Variants in TRIM28 observed in about 807,000 individuals in gnomAD.
TRIM28 encodes the protein transcription intermediary factor 1-beta.
In TRIM28, 8 loss-of-function variants were observed where a neutral mutation model predicts 87.4. The ratio of observed to expected loss-of-function variants is 0.09; its 90% CI spans 0.05 to 0.17. TRIM28 has a LOEUF of 0.17. Among genes scored for constraint, TRIM28 ranks in the 10% least tolerant of loss-of-function variants. The probability of loss-of-function intolerance (pLI) is 1.00; values close to 1 mark genes in which losing one functional copy is unlikely to be tolerated. For missense variants in TRIM28, 968 were observed against 1,131.8 expected, an observed-to-expected ratio of 0.86 and a Z score of 2.08; for synonymous variants, 601 against 454.3, an observed-to-expected ratio of 1.32 and a Z score of -4.11.
chr19:58,544,617 G>A lies in TRIM28; in HGVS notation c.-141G>A, dbSNP rs1237620013. The A allele has an allele frequency of 4.9e-5, 10 of 205,428 alleles. No homozygotes were observed. The highest frequency in any genetic ancestry group is 8.5e-5 in the Non-Finnish European group (10 of 117,758). The allele number at this position is 205,428 out of a possible 1,614,324, so 12.7% of individuals were successfully genotyped here. On this transcript the variant is annotated 5_prime_UTR_variant, in exon 1 of 17. Transcript: ENST00000253024. ...CAGCGTCCCGCGCGCGGCGGGCAGC[G>A]GCCCAGGAGGCGCGTGGCGGCGCTC... is the stretch of plus-strand genomic sequence containing the variant.
At chr19:58,547,292 C>T (rs372259296) in intron 3 of TRIM28, 84 bp from the exon 4 acceptor site, 49 of 1,552,900 alleles carry the variant, frequency 3.2e-5, no homozygotes, top group South Asian at 2.0e-4. Context: ...CAGAACAGGC[C>T]GGAAATGAGG....
At position 58,549,481 on chromosome 19, in the gene TRIM28, G is replaced by C. The variant is rs776245218; in HGVS notation, c.1813G>C (p.Val605Leu). ...PSGSTSSGLE[V>L]VAPEGTSAPG... ...TGGCAGCACCAGCTCAGGGCTGGAG[G>C]TGGTGGCTCCTGAGGGTACCTCAGC... The change falls in exon 13 of 17, where the codon GTG (valine) becomes CTG (leucine). Residue 605 changes from valine (V) to leucine (L), a missense_variant. Physicochemically the swap from Val to Leu is conservative, Grantham distance 32. This residue lies in a region of TRIM28 where 164 missense variants were observed against 146.2 expected (regional missense o/e 1.12). Transcript: ENST00000253024. The surrounding 1 kb of genome is among the most constrained non-coding windows in gnomAD (Gnocchi z 4.4). 19 of 1,613,566 alleles carry C rather than the reference G, an allele frequency of 1.2e-5. No individual in the cohort carries two copies. The East Asian group carries it at 3.1e-4, about 26-fold the overall frequency.
rs1568662087 is a variant in TRIM28 at position 58,549,063 on chromosome 19, G to GGACCTC, written c.1486_1491dup (p.Asp496_Leu497dup). The GGACCTC allele has an allele frequency of 1.2e-6, 2 of 1,614,072 alleles. No individual in the cohort carries two copies. Among genetic ancestry groups the GGACCTC allele is most frequent in the Non-Finnish European group, 1.7e-6 (2 of 1,180,006 alleles). On this transcript the variant is annotated inframe_insertion, in exon 12 of 17. Transcript: ENST00000253024. This position sits in a 1 kb window ranked among gnomAD's most constrained non-coding sequence, Gnocchi z 4.4. ...GAGTGAGCCTTGAACGCCTGGACCT[G>GGACCTC]GACCTCACAGCTGACAGCCAGCCAC... is the stretch of plus-strand genomic sequence containing the variant.
chr19:58,544,786 C>A lies in TRIM28; in HGVS notation c.29C>A (p.Ala10Glu). Residue 10 changes from alanine (A) to glutamate (E), a missense_variant, in exon 1 of 17, where the codon GCA becomes GAA. By Grantham distance (107) the Ala-to-Glu change is moderately radical. Transcript: ENST00000253024. MAASAAAAS[A>E]AAASAASGSP... Reference sequence around the variant, plus strand: ...GCGGCCTCCGCGGCGGCAGCCTCGGCAGCAGCGGCCTCGGCCGCCTCTGGC... The same window carrying A: ...GCGGCCTCCGCGGCGGCAGCCTCGGAAGCAGCGGCCTCGGCCGCCTCTGGC... 1 of 1,182,816 alleles carries A rather than the reference C, an allele frequency of 8.5e-7. No homozygotes were observed. The highest frequency in any genetic ancestry group is 1.0e-6 in the Non-Finnish European group (1 of 957,324). The allele number at this position is 1,182,816 out of a possible 1,614,324, so 73.3% of individuals were successfully genotyped here.
rs774133937 is a variant in TRIM28, at chr19:58,550,211, C to T, written c.2258C>T (p.Pro753Leu). 1 of 1,614,070 alleles carries T rather than the reference C, an allele frequency of 6.2e-7. No homozygotes were observed. ...IRARLQEKLS[P>L]PYSSPQEFAQ... is the part of the protein sequence containing the mutation. ...GCCCGCCTCCAGGAGAAGTTGTCACCTCCCTACAGCTCCCCACAGGAGTTT... is the reference window on the plus strand; with the variant it reads ...GCCCGCCTCCAGGAGAAGTTGTCACTTCCCTACAGCTCCCCACAGGAGTTT... The change falls in exon 16 of 17, where the codon CCT (proline) becomes CTT (leucine). Residue 753 changes from proline (P) to leucine (L), a missense_variant. By Grantham distance (98) the Pro-to-Leu change is moderately conservative. Around this residue, in one of 11 missense-constraint regions of TRIM28, gnomAD observed 192 missense variants for 225.6 expected, o/e 0.85. Coordinates refer to ENST00000253024, the MANE Select transcript of TRIM28 (RefSeq NM_005762.3).
At position 58,547,816 on chromosome 19, in the gene TRIM28, G is replaced by A; in HGVS notation, c.864G>A (p.Gln288=). 6.2e-7 allele frequency: 1 copy of A among 1,614,180 alleles called. No homozygotes were observed. The highest frequency in any genetic ancestry group is 8.5e-7 in the Non-Finnish European group (1 of 1,180,036). ...RSSIRQVSDV[Q]KRVQVDVKMA... is the part of the protein sequence containing the mutation. ...GAATCCGCCAGGTGTCTGACGTACA[G>A]AAGCGTGTGCAAGTGGATGTCAAGA... The change falls in exon 6 of 17, where the codon CAG becomes CAA. Residue 288 remains glutamine (Q), a synonymous_variant. Coordinates refer to ENST00000253024, the MANE Select transcript of TRIM28 (RefSeq NM_005762.3).
At position 58,544,944 on chromosome 19, in the gene TRIM28, G is replaced by A. The variant is rs2053746947; in HGVS notation, c.187G>A (p.Glu63Lys). Residue 63 changes from glutamate to lysine, a missense_variant, in exon 1 of 17, where the codon GAG becomes AAG. Physicochemically the swap from Glu to Lys is moderately conservative, Grantham distance 56. Around this residue, in one of 11 missense-constraint regions of TRIM28, gnomAD observed 208 missense variants for 170.9 expected, o/e 1.22. Transcript: ENST00000253024. ...GGGAEALELL[E>K]HCGVCRERLR... ...CGGCGCCGAGGCGCTGGAGCTGCTG[G>A]AGCACTGCGGCGTGTGCAGAGAGCG... 1.4e-6 allele frequency: 2 copies of A among 1,473,978 alleles called. No homozygotes were observed. The highest frequency in any genetic ancestry group is 5.2e-5 in the Admixed American group (2 of 38,302). 91.3% of individuals were successfully genotyped at this position (1,473,978 alleles called of 1,614,324 possible).
rs760744275 is a variant in TRIM28, at chr19:58,550,562, C to T, written c.*9C>T. 6.2e-6 allele frequency: 10 copies of T among 1,600,964 alleles called. No homozygotes were observed. Among genetic ancestry groups the T allele is most frequent in the Non-Finnish European group, 7.6e-6 (9 of 1,177,836 alleles). ...CTGGTGATGGCCCCTGAGGCTGGAG[C>T]CCCCATGGCCAGCCCAGCCTGGCTC... On this transcript the variant is annotated 3_prime_UTR_variant, in exon 17 of 17. Transcript: ENST00000253024.
intron 3 of TRIM28, among the ~76,000 whole-genome samples, chr19:58,546,878 A>G (rs1473714649): frequency 6.6e-6 from 1 of 152,142 alleles, no homozygotes; most frequent in African/African-American, 2.4e-5. Flanking sequence ...CTCTCCCAGT[A>G]TGAGAACCTC....
Position 58,548,603 on chromosome 19 carries a change from G to T in TRIM28, c.1323+11G>T. 1 of 1,603,134 alleles carries T rather than the reference G, an allele frequency of 6.2e-7. No homozygotes were observed. On this transcript the variant is annotated intron_variant, in intron 9 of 16. Transcript: ENST00000253024. ...TCTGGCAGCAGCCAGGTGAGCAGGA[G>T]AGAGGACCCAGGAAGGGGTGGGCAG...
Position 58,549,380 on chromosome 19 carries a change from G to T in TRIM28, c.1712G>T (p.Gly571Val). ...AIGAPPTATE[G>V]PETKPVLMAL... is the part of the protein sequence containing the mutation. ...GGAGCCCCTCCTACTGCCACTGAGG[G>T]CCCTGAGACCAAACCTGTGCTTATG... Residue 571 changes from glycine (G) to valine (V), a missense_variant, in exon 13 of 17, where the codon GGC (glycine) becomes GTC (valine). By Grantham distance (109) the Gly-to-Val change is moderately radical (BLOSUM62 -3). Transcript: ENST00000253024. This position sits in a 1 kb window ranked among gnomAD's most constrained non-coding sequence, Gnocchi z 4.4. 1 of 1,576,920 alleles carries T rather than the reference G, an allele frequency of 6.3e-7. No individual in the cohort carries two copies. Among genetic ancestry groups the T allele is most frequent in the Non-Finnish European group, 8.6e-7 (1 of 1,158,222 alleles).
rs766577445 is a variant in TRIM28, at chr19:58,549,804, C to T, written c.2050C>T (p.Leu684=). The part of the protein sequence containing the change: ...DLKEEDGSLS[L]DGADSTGVVA... The stretch of plus-strand genomic sequence containing the variant: ...GAAGGAGGAGGATGGCAGCCTCAGC[C>T]TGGATGGTGCAGACAGCACTGGCGT... Residue 684 remains leucine, a synonymous_variant, in exon 14 of 17, where the codon CTG becomes TTG. Transcript: ENST00000253024. The surrounding 1 kb of genome is among the most constrained non-coding windows in gnomAD (Gnocchi z 4.4). The T allele has an allele frequency of 6.2e-7, 1 of 1,612,814 alleles. No individual in the cohort carries two copies. The highest frequency in any genetic ancestry group is 8.5e-7 in the Non-Finnish European group (1 of 1,178,978).
intron 16 of TRIM28, 41 bp downstream of exon 16, chr19:58,550,325 G>A: frequency 6.2e-7 from 1 of 1,613,490 alleles, no homozygotes; most frequent in African/African-American, 1.3e-5. Flanking sequence ...AGGGGGAGAT[G>A]TGAAGGAAAG....
rs2053800185 is a variant in TRIM28, at chr19:58,549,930, TC to T, written c.2107-16del. 1 of 1,613,916 alleles carries T rather than the reference TC, an allele frequency of 6.2e-7. No individual in the cohort carries two copies. The highest frequency in any genetic ancestry group is 8.5e-7 in the Non-Finnish European group (1 of 1,179,950). On this transcript the variant is annotated intron_variant, in intron 14 of 16. Transcript: ENST00000253024. This position sits in a 1 kb window ranked among gnomAD's most constrained non-coding sequence, Gnocchi z 4.4. ...ATAGGTGCTGCCCAGAGCTGTGACATCCCTTACAATGTTTGTAGAAATGTGA... is the reference window on the plus strand; with the variant it reads ...ATAGGTGCTGCCCAGAGCTGTGACATCCTTACAATGTTTGTAGAAATGTGA...
intron 1 of TRIM28, 157 bp from the exon 2 acceptor site, chr19:58,545,268 G>A: frequency 3.4e-6 from 3 of 878,284 alleles, no homozygotes; most frequent in East Asian, 2.6e-5. Flanking sequence ...CCGCTGAGAT[G>A]GGACATCTGA....
rs2053771693 is a variant in TRIM28 at position 58,547,523 on chromosome 19, G to A, written c.722+12G>A. The stretch of plus-strand genomic sequence containing the variant: ...CACAAGGACCACCAGTGAGTCCCAA[G>A]GCATAGTGGTTGGGTGGGTGGGTGC... On this transcript the variant is annotated intron_variant, in intron 4 of 16. Transcript: ENST00000253024. 3 of 1,613,784 alleles carry A rather than the reference G, an allele frequency of 1.9e-6. No homozygotes were observed. Among genetic ancestry groups the A allele is most frequent in the Non-Finnish European group, 2.5e-6 (3 of 1,179,886 alleles).
Position 58,547,529 on chromosome 19 carries a change from G to GTGGT in TRIM28, c.722+22_722+25dup, listed in dbSNP as rs913373151. ...GACCACCAGTGAGTCCCAAGGCATAGTGGTTGGGTGGGTGGGTGCCACCCC... is the reference window on the plus strand; with the variant it reads ...GACCACCAGTGAGTCCCAAGGCATAGTGGTTGGTTGGGTGGGTGGGTGCCACCCC... On this transcript the variant is annotated intron_variant, in intron 4 of 16. Transcript: ENST00000253024. 4 of 1,613,660 alleles carry GTGGT rather than the reference G, an allele frequency of 2.5e-6. No homozygotes were observed. Among genetic ancestry groups the GTGGT allele is most frequent in the Non-Finnish European group, 2.5e-6 (3 of 1,179,758 alleles).
At position 58,549,139 on chromosome 19, in the gene TRIM28, G is replaced by A. The variant is rs1260909053; in HGVS notation, c.1561G>A (p.Val521Ile). The A allele has an allele frequency of 1.2e-6, 2 of 1,614,156 alleles. No individual in the cohort carries two copies. The change falls in exon 12 of 17, where the codon GTT (valine) becomes ATT (isoleucine). Residue 521 changes from valine (V) to isoleucine (I), a missense_variant. By Grantham distance (29) the Val-to-Ile change is conservative. Around this residue, in one of 11 missense-constraint regions of TRIM28, gnomAD observed 23 missense variants for 56.7 expected, o/e 0.41. Transcript: ENST00000253024. This position sits in a 1 kb window ranked among gnomAD's most constrained non-coding sequence, Gnocchi z 4.4. ...GSTTEDYNLI[V>I]IERGAAAAAT... ...TACCACTGAGGACTACAACCTTATTGTTATTGAACGTGGCGCTGCCGCTGC... is the reference window on the plus strand; with the variant it reads ...TACCACTGAGGACTACAACCTTATTATTATTGAACGTGGCGCTGCCGCTGC...
In TRIM28 at chr19:58,548,016, T is replaced by C. The variant is rs1443854343; in HGVS notation, c.955-18T>C. 1.9e-6 allele frequency: 3 copies of C among 1,613,944 alleles called. No individual in the cohort carries two copies. Among genetic ancestry groups the C allele is most frequent in the Admixed American group, 1.7e-5 (1 of 59,990 alleles). On this transcript the variant is annotated intron_variant, in intron 6 of 16. Coordinates refer to ENST00000253024, the MANE Select transcript of TRIM28 (RefSeq NM_005762.3). ...TCTTCTGCCTTCTCTGCTTACCTCA[T>C]ACACCTTCTATCTGCAGAAGGTGAC... is the stretch of plus-strand genomic sequence containing the variant.
Sources: allele counts gnomAD v4.1 joint callset (sites outside exome capture counted in the v4.1 genomes callset), GRCh38; gene constraint gnomAD v4.1.1; regional missense constraint gnomAD v4.1.1; non-coding constraint Gnocchi (gnomAD v3.1); transcripts MANE v1.5; gene names NCBI Gene and HGNC (gene_info 2026-07-23, HGNC 2026-07-21).